CNTNAP2: variants seen among roughly 807,000 people sequenced by gnomAD.
CNTNAP2 encodes the protein contactin associated protein 2, also known as contactin-associated protein-like 2.
Under a neutral mutation model 155.2 loss-of-function variants are expected in CNTNAP2, and 98 were observed. The ratio of observed to expected loss-of-function variants is 0.63; its 90% CI spans 0.54 to 0.75. The LOEUF is 0.75. CNTNAP2 is among the 30% of genes least tolerant of loss of function. The pLI is 0.00. For synonymous variants in CNTNAP2, 651 were observed against 631.2 expected, an observed-to-expected ratio of 1.03 and a Z score of -0.47; for missense variants, 1,727 against 1,688.1, an observed-to-expected ratio of 1.02 and a Z score of -0.40.
At chr7:147,414,043 G>C (rs539531989) in intron 10 of CNTNAP2, among the ~76,000 whole-genome samples, 1 of 152,118 alleles carries the variant, frequency 6.6e-6, no homozygotes, top group Non-Finnish European at 1.5e-5. Flanking sequence ...TTTCTCACTT[G>C]TATCACCTGT....
chr7:147,263,943 A>G (rs1433324858), intron 8 of CNTNAP2, among the ~76,000 whole-genome samples: 2 of 152,210 alleles, frequency 1.3e-5, no homozygotes, highest in African/African-American at 2.4e-5. Context: ...CTATGGGGAC[A>G]TCGCATTTGG....
chr7:147,096,569 A>G (rs1800540479), intron 4 of CNTNAP2, among the ~76,000 whole-genome samples: 1 of 152,224 alleles, frequency 6.6e-6, no homozygotes, highest in South Asian at 2.1e-4. Flanking sequence ...GATCAATAGA[A>G]CGACATGATA....
intron 9 of CNTNAP2, among the ~76,000 whole-genome samples, chr7:147,322,394 G>C (rs961547294): frequency 6.6e-6 from 1 of 152,156 alleles, no homozygotes; most frequent in Admixed American, 6.5e-5. Context: ...TTTGATTATA[G>C]TTTGTGTGCT....
At chr7:146,293,514 T>C (rs745566595) in intron 1 of CNTNAP2, among the ~76,000 whole-genome samples, 1 of 152,172 alleles carries the variant, frequency 6.6e-6, no homozygotes, top group Non-Finnish European at 1.5e-5. Flanking sequence ...TGAAACAATA[T>C]ACACTATTAT....
chr7:146,884,458 G>A (rs1795616803), intron 3 of CNTNAP2, among the ~76,000 whole-genome samples: 1 of 152,020 alleles, frequency 6.6e-6, no homozygotes, highest in South Asian at 2.1e-4. Flanking sequence ...TTCTCTTCTT[G>A]GGCATCTCGA....
At chr7:147,892,307 A>G (rs1413278898) in intron 13 of CNTNAP2, among the ~76,000 whole-genome samples, 2 of 152,368 alleles carry the variant, frequency 1.3e-5, no homozygotes, top group African/African-American at 4.8e-5. Context: ...GAAAGAAGAC[A>G]TATTTTTATA....
intron 20 of CNTNAP2, among the ~76,000 whole-genome samples, chr7:148,238,773 C>A (rs1196823953): frequency 6.6e-6 from 1 of 152,132 alleles, no homozygotes; most frequent in Non-Finnish European, 1.5e-5. Context: ...ATTTTAGGAT[C>A]CTTCTTTTCT....
At chr7:148,329,264 G>A (rs1246231953) in intron 21 of CNTNAP2, among the ~76,000 whole-genome samples, 3 of 152,170 alleles carry the variant, frequency 2.0e-5, no homozygotes. Flanking sequence ...TTTTTATATG[G>A]TCTAGATTAG....
chr7:148,331,129 G>GTGGA (rs1224580634), intron 21 of CNTNAP2, among the ~76,000 whole-genome samples: 2 of 128,970 alleles, frequency 1.6e-5, no homozygotes, highest in Non-Finnish European at 3.2e-5. Flanking sequence ...GATGGGATGG[G>GTGGA]TGGATGGATG....
chr7:147,680,488 C>G (rs1380944621), intron 13 of CNTNAP2, among the ~76,000 whole-genome samples: 2 of 151,902 alleles, frequency 1.3e-5, no homozygotes, highest in African/African-American at 4.8e-5. Context: ...GGCCGAAGTG[C>G]TAAAGCAATA....
intron 1 of CNTNAP2, among the ~76,000 whole-genome samples, chr7:146,620,665 A>C (rs1180876516): frequency 6.6e-6 from 1 of 152,164 alleles, no homozygotes. Context: ...TGCAACATTT[A>C]GCTGTGAATA....
intron 13 of CNTNAP2, among the ~76,000 whole-genome samples, chr7:147,853,639 T>G (rs1798987665): frequency 6.6e-6 from 1 of 152,184 alleles, no homozygotes; most frequent in Non-Finnish European, 1.5e-5. Context: ...GCACAGTCAT[T>G]TCATAATCTG....
At chr7:147,104,738 A>C (rs572157066) in intron 4 of CNTNAP2, among the ~76,000 whole-genome samples, 1 of 150,394 alleles carries the variant, frequency 6.6e-6, no homozygotes, top group Admixed American at 6.6e-5. Context: ...TAATTAAACC[A>C]TGCAATTTCC....
At chr7:146,652,628 A>G (rs1799935944) in intron 1 of CNTNAP2, among the ~76,000 whole-genome samples, 1 of 152,138 alleles carries the variant, frequency 6.6e-6, no homozygotes. Context: ...GAGAAATAGA[A>G]TATTATAGAC....
At chr7:146,539,772 A>G (rs1023205814) in intron 1 of CNTNAP2, among the ~76,000 whole-genome samples, 2 of 152,062 alleles carry the variant, frequency 1.3e-5, no homozygotes, top group African/African-American at 4.8e-5. Flanking sequence ...TCCTTTTATT[A>G]TAGACGTGTT....
intron 17 of CNTNAP2, among the ~76,000 whole-genome samples, chr7:148,153,020 C>CA (rs373499312): frequency 0.18 from 4,163 of 22,566 alleles, 1,046 homozygotes; most frequent in Non-Finnish European, 0.2. Flanking sequence ...GACTCCGTCT[C>CA]AAAAAAAAAA....
chr7:147,237,904 A>C (rs1490294267), intron 8 of CNTNAP2, among the ~76,000 whole-genome samples: 2 of 152,268 alleles, frequency 1.3e-5, no homozygotes, highest in East Asian at 3.8e-4. Flanking sequence ...TTTAAAAATT[A>C]ATAAAAAGTT....
intron 1 of CNTNAP2, among the ~76,000 whole-genome samples, chr7:146,185,765 T>C (rs1172161763): frequency 6.6e-6 from 1 of 150,824 alleles, no homozygotes. Flanking sequence ...ATTATTCTTT[T>C]TTTTTTTTTT....
chr7:146,997,864 A>G (rs1402978210), intron 3 of CNTNAP2, among the ~76,000 whole-genome samples: 1 of 151,964 alleles, frequency 6.6e-6, no homozygotes, highest in Non-Finnish European at 1.5e-5. Flanking sequence ...CTCTTATACT[A>G]TTTTGTATAC....
Sources: allele counts gnomAD v4.1 joint callset (sites outside exome capture counted in the v4.1 genomes callset), GRCh38; gene constraint gnomAD v4.1.1; transcripts MANE v1.5; gene names NCBI Gene and HGNC (gene_info 2026-07-23, HGNC 2026-07-21).